Variants in EXD3 observed in about 807,000 individuals in gnomAD.
EXD3 encodes the protein exonuclease mut-7 homolog.
EXD3 carries 92 observed loss-of-function variants against 98.0 expected under a neutral mutation model. That is an observed-to-expected ratio of 0.94 (90% confidence interval 0.79 to 1.12). The LOEUF is 1.12. EXD3 is among the 50% of genes most tolerant of loss of function. EXD3 has a pLI of 0.00. For synonymous variants in EXD3, 569 were observed against 526.0 expected, an observed-to-expected ratio of 1.08 and a Z score of -1.12; for missense variants, 1,222 against 1,191.6, an observed-to-expected ratio of 1.03 and a Z score of -0.38.
At chr9:137,390,173 G>A (rs1180482447) in intron 2 of EXD3, among the ~76,000 whole-genome samples, 4 of 136,924 alleles carry the variant, frequency 2.9e-5, no homozygotes, top group Non-Finnish European at 6.1e-5. Context: ...GCTCACACCT[G>A]TAATCCCAGC....
intron 1 of EXD3, among the ~76,000 whole-genome samples, chr9:137,408,675 T>C (rs1241609172): frequency 6.6e-6 from 1 of 150,922 alleles, no homozygotes; most frequent in Non-Finnish European, 1.5e-5. Context: ...CTCAGACCAA[T>C]GGTAACCCCA....
intron 17 of EXD3, among the ~76,000 whole-genome samples, chr9:137,332,583 C>G: frequency 6.6e-6 from 1 of 151,760 alleles, no homozygotes; most frequent in African/African-American, 2.4e-5. Flanking sequence ...GTGGCTCACG[C>G]CTGTAATCCC....
At chr9:137,375,209 G>A (rs915109536) in intron 3 of EXD3, among the ~76,000 whole-genome samples, 3 of 152,110 alleles carry the variant, frequency 2.0e-5, no homozygotes, top group Non-Finnish European at 2.9e-5. Flanking sequence ...GGGTTTCACC[G>A]TGTTAGCCAG....
intron 17 of EXD3, among the ~76,000 whole-genome samples, chr9:137,344,292 C>A (rs1833811602): frequency 1.3e-5 from 2 of 152,272 alleles, no homozygotes; most frequent in South Asian, 2.1e-4. Flanking sequence ...GACAACTCAT[C>A]TGTAAGACTT....
chr9:137,365,583 A>C, intron 7 of EXD3: 1 of 177,208 alleles, frequency 5.6e-6, no homozygotes, highest in African/African-American at 2.6e-5. Context: ...GTGCACACAC[A>C]GGTACACACG....
At chr9:137,382,129 G>A (rs1319550559) in intron 3 of EXD3, among the ~76,000 whole-genome samples, 1 of 136,168 alleles carries the variant, frequency 7.3e-6, no homozygotes, top group Non-Finnish European at 1.6e-5. Context: ...AGGTGAGGGC[G>A]CGGGGAGGAG....
chr9:137,411,684 C>T (rs988270578), intron 1 of EXD3, among the ~76,000 whole-genome samples: 2 of 80,442 alleles, frequency 2.5e-5, no homozygotes, highest in East Asian at 4.5e-4. Context: ...GAGCGGCAGG[C>T]GGAGGCGGGG....
intron 17 of EXD3, among the ~76,000 whole-genome samples, chr9:137,345,504 A>T (rs1833871151): frequency 6.6e-6 from 1 of 152,092 alleles, no homozygotes; most frequent in East Asian, 1.9e-4. Flanking sequence ...TGTACTAAAA[A>T]TACAAAAATT....
chr9:137,330,525 C>G (rs371635219), intron 17 of EXD3, among the ~76,000 whole-genome samples: 10 of 139,606 alleles, frequency 7.2e-5, no homozygotes, highest in African/African-American at 1.1e-4. Context: ...CAGGACCACA[C>G]AGGAGCTATA....
intron 17 of EXD3, among the ~76,000 whole-genome samples, chr9:137,332,210 C>T (rs185688925): frequency 3.9e-5 from 6 of 152,192 alleles, no homozygotes; most frequent in East Asian, 1.9e-4. Context: ...GTACCAACAT[C>T]GTTTTTCACA....
intron 10 of EXD3, 72 bp downstream of exon 10, chr9:137,354,267 G>C (rs1834485941): frequency 4.4e-6 from 7 of 1,579,094 alleles, no homozygotes; most frequent in Non-Finnish European, 6.0e-6. Flanking sequence ...CCACCAGGAG[G>C]CTCCGGGCCT....
intron 1 of EXD3, among the ~76,000 whole-genome samples, chr9:137,402,622 CT>C (rs1460728005): frequency 3.3e-5 from 5 of 152,208 alleles, no homozygotes; most frequent in Non-Finnish European, 5.9e-5. Flanking sequence ...CCCACATCTT[CT>C]TGTCTTCTGA....
rs553041061 is a variant in EXD3, at chr9:137,393,312, A to G, written c.55+1991T>C. ...CTCCCCGGCCCTGACGGCGGTCTCC[A>G]GGGGAGGTAACAGGGCCTCATCCCA... is the stretch of plus-strand genomic sequence containing the variant. On this transcript the variant is annotated intron_variant, in intron 2 of 21. Transcript: ENST00000340951. The surrounding 1 kb of genome is among the most constrained non-coding windows in gnomAD (Gnocchi z 4.6). 8.6e-6 allele frequency: 6 copies of G among 694,782 alleles called. No individual in the cohort carries two copies. The South Asian group carries it at 8.9e-5, about 10-fold the overall frequency. The allele number at this position is 694,782 out of a possible 1,614,324, so 43.0% of individuals were successfully genotyped here. A position where few individuals can be genotyped will look rare whatever the true frequency, so the allele number is the denominator to read the frequency against.
chr9:137,323,197 A>G (rs56011556), intron 19 of EXD3, among the ~76,000 whole-genome samples: 2 of 1,354 alleles, frequency 1.5e-3, no homozygotes, highest in Non-Finnish European at 1.0e-3. Flanking sequence ...CCCACCCCGG[A>G]CCCACGAGGG....
intron 17 of EXD3, among the ~76,000 whole-genome samples, chr9:137,332,985 G>T (rs139798316): frequency 4.1e-4 from 62 of 152,278 alleles, no homozygotes; most frequent in African/African-American, 1.4e-3. Context: ...TGCCAAAGGG[G>T]ATTCACATTT....
intron 17 of EXD3, among the ~76,000 whole-genome samples, chr9:137,343,926 T>A (rs11526464): frequency 9.6e-6 from 1 of 103,662 alleles, no homozygotes; most frequent in East Asian, 2.9e-4. Flanking sequence ...GAGTCTCACT[T>A]TGTCTCCCAG....
chr9:137,309,675 T>C lies in EXD3; in HGVS notation c.2210A>G (p.Lys737Arg), dbSNP rs573550533. 34 of 1,558,008 alleles carry C rather than the reference T, an allele frequency of 2.2e-5. No homozygotes were observed. In the Admixed American group the frequency reaches 4.2e-4, roughly 19 times the overall value. Residue 737 changes from lysine (K) to arginine (R), a missense_variant, in exon 20 of 22, where the codon AAG becomes AGG. Transcript: ENST00000340951. ...CTGCTTCATCATGTCCCTGGAGACC[T>C]TTAGGTACTGGTCACAGTTACAGGC... ...CQACNCDQYL[K>R]VSRDMMKQLM...
Position 137,354,359 on chromosome 9 carries a change from TCTC to T in EXD3, c.847_849del (p.Glu283del), listed in dbSNP as rs754140625. ...CTCACCTGCACATGGTCGGTCCAGT[TCTC>T]CTGTGACAGGCTCTTCTGCAAAGGC... On this transcript the variant is annotated inframe_deletion, in exon 10 of 22. Transcript: ENST00000340951. 12 of 1,612,056 alleles carry T rather than the reference TCTC, an allele frequency of 7.4e-6. No homozygotes were observed. Among genetic ancestry groups the T allele is most frequent in the African/African-American group, 1.3e-5 (1 of 74,910 alleles).
At chr9:137,325,309 C>T (rs1396025962) in intron 17 of EXD3, among the ~76,000 whole-genome samples, 1 of 152,190 alleles carries the variant, frequency 6.6e-6, no homozygotes, top group East Asian at 1.9e-4. Flanking sequence ...GTGTCACATC[C>T]AAGGACTCAG....
Sources: gnomAD v4.1 joint callset for allele counts (sites outside exome capture counted in the v4.1 genomes callset) on GRCh38, gnomAD v4.1.1 for gene constraint, Gnocchi (gnomAD v3.1) non-coding constraint, MANE v1.5 for transcripts, NCBI Gene and HGNC (gene_info 2026-07-23, HGNC 2026-07-21) for gene names.